The following KIF26B variants were observed in gnomAD, a reference collection of about 807,000 sequenced individuals.
KIF26B encodes kinesin family member 26B, also known as kinesin-like protein KIF26B.
In KIF26B, 63 loss-of-function variants were observed where a neutral mutation model predicts 151.2. That is an observed-to-expected ratio of 0.42 (90% CI 0.34 to 0.51). The LOEUF is 0.51. Among genes scored for constraint, KIF26B ranks in the 20% least tolerant of loss-of-function variants. The probability of loss-of-function intolerance (pLI) is 0.07; values close to 1 mark genes in which losing one functional copy is unlikely to be tolerated. For synonymous variants in KIF26B, 1,357 were observed against 1,262.1 expected, an observed-to-expected ratio of 1.08 and a Z score of -1.59; for missense variants, 2,813 against 2,913.6, an observed-to-expected ratio of 0.97 and a Z score of 0.79.
intron 2 of KIF26B, among the ~76,000 whole-genome samples, chr1:245,305,704 C>T (rs558101031): frequency 6.6e-5 from 10 of 152,050 alleles, no homozygotes; most frequent in East Asian, 3.9e-4. Flanking sequence ...TTTGGGAGGC[C>T]GAGGCAGGTG....
intron 10 of KIF26B, among the ~76,000 whole-genome samples, chr1:245,661,506 A>AC (rs775804975): frequency 6.6e-6 from 1 of 151,712 alleles, no homozygotes; most frequent in Non-Finnish European, 1.5e-5. Context: ...CATTATATAC[A>AC]CCATATATAT....
intron 9 of KIF26B, among the ~76,000 whole-genome samples, chr1:245,644,152 G>C (rs1485205457): frequency 1.3e-5 from 2 of 151,944 alleles, no homozygotes; most frequent in Non-Finnish European, 2.9e-5. Flanking sequence ...TTGTCCTACA[G>C]CTCTTTTTTT....
Position 245,467,458 on chromosome 1 carries a change from G to A in KIF26B, c.1166+47713G>A, listed in dbSNP as rs752860795. Among the ~76,000 whole-genome samples the A allele has an allele frequency of 9.9e-5, 15 of 152,262 alleles. 1 individual carries two copies. Among genetic ancestry groups the A allele is most frequent in the South Asian group, 2.1e-4 (1 of 4,816 alleles). On this transcript the variant is annotated intron_variant, in intron 4 of 14. Coordinates refer to ENST00000407071, the MANE Select transcript of KIF26B (RefSeq NM_018012.4). ...GGGTCTTCTTCTATCAGTGAAGCCC[G>A]TCAGTGTTTGGTTCTGGAGTGACTG...
At position 245,155,503 on chromosome 1, in the gene KIF26B, A is replaced by G. The variant is rs780280038; in HGVS notation, c.63+16A>G. 1.9e-5 allele frequency: 31 copies of G among 1,604,518 alleles called. No individual in the cohort carries two copies. Among genetic ancestry groups the G allele is most frequent in the Non-Finnish European group, 2.5e-5 (29 of 1,173,440 alleles). ...GAAATACGGGGTAAGTTGTGACGGT[A>G]CGACGCGGAGACGCGTTACCAGACC... is the stretch of plus-strand genomic sequence containing the variant. On this transcript the variant is annotated intron_variant, in intron 1 of 14. Transcript: ENST00000407071.
chr1:245,391,117 G>A (rs539376729), intron 3 of KIF26B, among the ~76,000 whole-genome samples: 2 of 152,016 alleles, frequency 1.3e-5, no homozygotes, highest in Non-Finnish European at 2.9e-5. Context: ...ATGGGTCAAC[G>A]TCTGGAAGAT....
intron 5 of KIF26B, among the ~76,000 whole-genome samples, chr1:245,577,431 G>A (rs1031707815): frequency 2.0e-5 from 3 of 152,220 alleles, no homozygotes; most frequent in African/African-American, 7.2e-5. Flanking sequence ...CCCACACAGA[G>A]CTCAGAGAAT....
At chr1:245,666,539 G>A (rs1036711539) in intron 10 of KIF26B, among the ~76,000 whole-genome samples, 5 of 152,004 alleles carry the variant, frequency 3.3e-5, no homozygotes, top group Admixed American at 6.6e-5. Flanking sequence ...ATGAACAATC[G>A]GAGGTAGCTT....
At chr1:245,314,533 A>C (rs561190955) in intron 2 of KIF26B, among the ~76,000 whole-genome samples, 2 of 152,152 alleles carry the variant, frequency 1.3e-5, no homozygotes, top group Non-Finnish European at 2.9e-5. Flanking sequence ...ACTGACTACT[A>C]TGTGTTCAAT....
intron 4 of KIF26B, among the ~76,000 whole-genome samples, chr1:245,483,399 C>CCTGA (rs1263472270): frequency 2.0e-5 from 3 of 151,808 alleles, no homozygotes; most frequent in African/African-American, 7.2e-5. Flanking sequence ...TCCAGGTCTG[C>CCTGA]CTGACCCCAG....
intron 6 of KIF26B, among the ~76,000 whole-genome samples, chr1:245,604,427 T>A (rs1187601699): frequency 6.6e-6 from 1 of 152,212 alleles, no homozygotes; most frequent in Non-Finnish European, 1.5e-5. Flanking sequence ...CAAAGAGTTT[T>A]ACCCAAGAAG....
chr1:245,248,205 C>A (rs1573732286), intron 2 of KIF26B, among the ~76,000 whole-genome samples: 1 of 151,968 alleles, frequency 6.6e-6, no homozygotes. Flanking sequence ...AAAGACACGG[C>A]GACCTACTTG....
intron 1 of KIF26B, 39 bp from the exon 2 acceptor site, chr1:245,156,243 C>T: frequency 6.5e-7 from 1 of 1,536,316 alleles, no homozygotes; most frequent in East Asian, 2.5e-5. Context: ...TGCAGCCCGC[C>T]GCCTTGCAGC....
chr1:245,377,330 C>G (rs763185644), intron 3 of KIF26B, among the ~76,000 whole-genome samples: 1 of 152,220 alleles, frequency 6.6e-6, no homozygotes, highest in African/African-American at 2.4e-5. Flanking sequence ...AGTCCTTCCT[C>G]GCCCTTCTGT....
intron 2 of KIF26B, among the ~76,000 whole-genome samples, chr1:245,360,329 A>C (rs1395027658): frequency 6.6e-6 from 1 of 152,142 alleles, no homozygotes; most frequent in African/African-American, 2.4e-5. Context: ...CCTTATCCTC[A>C]TCCCAACATT....
At chr1:245,204,107 T>C (rs1248845565) in intron 2 of KIF26B, among the ~76,000 whole-genome samples, 2 of 152,176 alleles carry the variant, frequency 1.3e-5, no homozygotes, top group African/African-American at 4.8e-5. Context: ...ACTTCATATG[T>C]CCTTCTGCAG....
At chr1:245,653,742 C>T (rs920762338) in intron 10 of KIF26B, among the ~76,000 whole-genome samples, 2 of 152,076 alleles carry the variant, frequency 1.3e-5, no homozygotes, top group Non-Finnish European at 2.9e-5. Flanking sequence ...ACCAGCAAAG[C>T]TTGCATATGT....
At chr1:245,455,931 T>C (rs1659508760) in intron 4 of KIF26B, among the ~76,000 whole-genome samples, 2 of 152,202 alleles carry the variant, frequency 1.3e-5, no homozygotes, top group Admixed American at 6.5e-5. Flanking sequence ...AGATCTAAAT[T>C]TCTGTAATTA....
intron 4 of KIF26B, among the ~76,000 whole-genome samples, chr1:245,454,872 T>G (rs531567265): frequency 6.6e-6 from 1 of 152,220 alleles, no homozygotes; most frequent in Non-Finnish European, 1.5e-5. Context: ...TCTCCCAATG[T>G]GGATAAATGC....
At chr1:245,633,149 T>C (rs1335860428) in intron 9 of KIF26B, among the ~76,000 whole-genome samples, 1 of 152,174 alleles carries the variant, frequency 6.6e-6, no homozygotes, top group East Asian at 1.9e-4. Context: ...TTTTGTCTTA[T>C]GTAAGTATAG....
Sources: allele counts gnomAD v4.1 joint callset (sites outside exome capture counted in the v4.1 genomes callset), GRCh38; gene constraint gnomAD v4.1.1; transcripts MANE v1.5; gene names NCBI Gene and HGNC (gene_info 2026-07-23, HGNC 2026-07-21).